The following TMEM132B variants were observed in gnomAD, a reference collection of about 807,000 sequenced individuals.
The protein encoded by TMEM132B is transmembrane protein 132B.
TMEM132B carries 18 observed loss-of-function variants against 90.8 expected under a neutral mutation model. The observed-to-expected ratio is 0.20, with a 90% CI of 0.14 to 0.29. TMEM132B has a LOEUF of 0.29. TMEM132B is among the 10% of genes least tolerant of loss of function. TMEM132B has a pLI of 1.00. For synonymous variants in TMEM132B, 504 were observed against 523.3 expected, an observed-to-expected ratio of 0.96 and a Z score of 0.50; for missense variants, 1,096 against 1,326.8, an observed-to-expected ratio of 0.83 and a Z score of 2.70.
In TMEM132B at chr12:125,535,376, G is replaced by C. The variant is rs150989104; in HGVS notation, c.1293+15751G>C. Among the ~76,000 whole-genome samples, 36 of 152,274 alleles carry C rather than the reference G, an allele frequency of 2.4e-4. No homozygotes were observed. The East Asian group carries it at 4.4e-3, about 19-fold the overall frequency. ...ACTGTGTTTAACTGGGAGTCCCACAGGGCTTGGTAACCTGTGAAATGCTGC... is the reference window on the plus strand; with the variant it reads ...ACTGTGTTTAACTGGGAGTCCCACACGGCTTGGTAACCTGTGAAATGCTGC... On this transcript the variant is annotated intron_variant, in intron 4 of 8. Coordinates refer to ENST00000682704, the MANE Select transcript of TMEM132B (RefSeq NM_001366854.1).
At chr12:125,428,066 TG>T (rs1271632847) in intron 3 of TMEM132B, among the ~76,000 whole-genome samples, 1 of 152,108 alleles carries the variant, frequency 6.6e-6, no homozygotes, top group Non-Finnish European at 1.5e-5. Context: ...GGCATGACCA[TG>T]GCTCACTGAG....
chr12:125,291,836 A>G (rs892280870), intron 1 of TMEM132B, among the ~76,000 whole-genome samples: 20 of 152,200 alleles, frequency 1.3e-4, no homozygotes, highest in African/African-American at 4.8e-4. Flanking sequence ...AGTGGCCTTA[A>G]GTCTATCCAC....
chr12:125,553,626 A>G (rs1395527124), intron 4 of TMEM132B, among the ~76,000 whole-genome samples: 2 of 152,250 alleles, frequency 1.3e-5, no homozygotes, highest in Non-Finnish European at 2.9e-5. Context: ...AGAAGCTATG[A>G]TGAGTTTACA....
chr12:125,528,455 G>T (rs773246509), intron 4 of TMEM132B, among the ~76,000 whole-genome samples: 2 of 152,160 alleles, frequency 1.3e-5, no homozygotes, highest in African/African-American at 4.8e-5. Flanking sequence ...CTTTTTAGTC[G>T]TATTGGCCTG....
At chr12:125,650,978 A>G (rs575568462) in intron 7 of TMEM132B, 25 bp downstream of exon 7, 1 of 1,610,520 alleles carries the variant, frequency 6.2e-7, no homozygotes, top group Admixed American at 1.7e-5. Context: ...GCCTTGCCCA[A>G]CAGCAGTCTG....
chr12:125,443,674 A>T (rs1880933536), intron 3 of TMEM132B, among the ~76,000 whole-genome samples: 1 of 152,252 alleles, frequency 6.6e-6, no homozygotes, highest in Non-Finnish European at 1.5e-5. Context: ...AAATGGAAAC[A>T]TTATAATTAA....
intron 3 of TMEM132B, among the ~76,000 whole-genome samples, chr12:125,504,503 T>C (rs995038213): frequency 3.3e-5 from 5 of 152,152 alleles, no homozygotes; most frequent in Admixed American, 2.6e-4. Context: ...TTGTCATTTG[T>C]GATACTCCTT....
chr12:125,409,358 T>C (rs1159542126), intron 2 of TMEM132B, among the ~76,000 whole-genome samples: 1 of 152,190 alleles, frequency 6.6e-6, no homozygotes, highest in Non-Finnish European at 1.5e-5. Flanking sequence ...CTCTTGGGTG[T>C]GGCTTCACTG....
chr12:125,507,462 A>G (rs997512152), intron 3 of TMEM132B, among the ~76,000 whole-genome samples: 4 of 152,212 alleles, frequency 2.6e-5, no homozygotes, highest in African/African-American at 9.7e-5. Flanking sequence ...GCTCTAGTGT[A>G]GGAGATGGGT....
intron 3 of TMEM132B, among the ~76,000 whole-genome samples, chr12:125,476,261 T>C (rs1235416444): frequency 6.6e-6 from 1 of 152,198 alleles, no homozygotes; most frequent in African/African-American, 2.4e-5. Context: ...ACCACCTCTA[T>C]TGAGTTCCAG....
chr12:125,352,902 T>C (rs979897510), intron 2 of TMEM132B, among the ~76,000 whole-genome samples: 2 of 152,178 alleles, frequency 1.3e-5, no homozygotes, highest in African/African-American at 4.8e-5. Context: ...TGGAGCCTCT[T>C]GATTTAGCCT....
intron 1 of TMEM132B, among the ~76,000 whole-genome samples, chr12:125,192,715 G>A (rs1025257665): frequency 3.9e-5 from 6 of 152,210 alleles, no homozygotes; most frequent in East Asian, 3.9e-4. Context: ...GGGACTTGGC[G>A]TTTGTGGAAA....
intron 1 of TMEM132B, among the ~76,000 whole-genome samples, chr12:125,344,651 C>A (rs1453131748): frequency 6.6e-6 from 1 of 152,160 alleles, no homozygotes; most frequent in Non-Finnish European, 1.5e-5. Context: ...ATTGGCTGAA[C>A]ACACGTGGAA....
intron 1 of TMEM132B, among the ~76,000 whole-genome samples, chr12:125,345,378 T>C (rs1309786173): frequency 6.6e-6 from 1 of 152,186 alleles, no homozygotes; most frequent in African/African-American, 2.4e-5. Context: ...GTTCACATTG[T>C]ACCATCTTGG....
At chr12:125,231,414 T>C (rs1873819256) in intron 1 of TMEM132B, among the ~76,000 whole-genome samples, 2 of 152,224 alleles carry the variant, frequency 1.3e-5, no homozygotes, top group Non-Finnish European at 2.9e-5. Context: ...AGTGACCTTC[T>C]GTGGTCCAAG....
chr12:125,661,289 A>G lies in TMEM132B; in HGVS notation c.*6579A>G, dbSNP rs1887200867. ...TTTAGGATCTCTGTTTTATCCATGT[A>G]TTTCCCACATAGTAGAAGCATTTTC... is the stretch of plus-strand genomic sequence containing the variant. On this transcript the variant is annotated 3_prime_UTR_variant, in exon 9 of 9. Transcript: ENST00000682704. 6.6e-6 allele frequency: 1 copy of G among 152,162 alleles called. No homozygotes were observed. The highest frequency in any genetic ancestry group is 2.1e-4 in the South Asian group (1 of 4,828). The allele number at this position is 152,162 out of a possible 1,614,324, so 9.4% of individuals were successfully genotyped here. A position where few individuals can be genotyped will look rare whatever the true frequency, so the allele number is the denominator to read the frequency against.
intron 8 of TMEM132B, 151 bp from the exon 9 acceptor site, chr12:125,653,414 C>G: frequency 1.2e-6 from 1 of 812,346 alleles, no homozygotes; most frequent in Non-Finnish European, 1.8e-6. Context: ...CCGGTTCAAC[C>G]AGTTCAAGGC....
At chr12:125,244,568 T>A (rs542630970) in intron 1 of TMEM132B, among the ~76,000 whole-genome samples, 1 of 152,302 alleles carries the variant, frequency 6.6e-6, no homozygotes, top group Non-Finnish European at 1.5e-5. Context: ...GTCACTGGTA[T>A]ACACCCAAGG....
intron 3 of TMEM132B, among the ~76,000 whole-genome samples, chr12:125,420,450 C>T (rs529367178): frequency 1.4e-4 from 21 of 152,326 alleles, no homozygotes; most frequent in African/African-American, 4.8e-4. Flanking sequence ...TTTACTTTGG[C>T]CCCGTTTAGT....
Sources: gnomAD v4.1 joint callset for allele counts (sites outside exome capture counted in the v4.1 genomes callset) on GRCh38, gnomAD v4.1.1 for gene constraint, MANE v1.5 for transcripts, NCBI Gene and HGNC (gene_info 2026-07-23, HGNC 2026-07-21) for gene names.